Variants in ZNF486 observed in about 807,000 individuals in gnomAD.
ZNF486 encodes the protein zinc finger protein 486.
In ZNF486, 12 loss-of-function variants were observed where a neutral mutation model predicts 12.8. That is an observed-to-expected ratio of 0.94 (90% CI 0.60 to 1.52). ZNF486 has a LOEUF of 1.52. Among genes scored for constraint, ZNF486 ranks in the 40% most tolerant of loss-of-function variants. The probability of loss-of-function intolerance (pLI) is 0.00; values close to 1 mark genes in which losing one functional copy is unlikely to be tolerated. For synonymous variants in ZNF486, 231 were observed against 184.9 expected (o/e 1.25, Z -2.02); for missense variants, 738 against 545.0 (o/e 1.35, Z -3.53).
chr19:20,186,359 GATTGCACA>G (rs373813447), intron 3 of ZNF486, among the ~76,000 whole-genome samples: 35 of 152,276 alleles, frequency 2.3e-4, no homozygotes, highest in African/African-American at 7.9e-4. Context: ...GCATATAAGT[GATTGCACA>G]ATCTGGCTGC....
In ZNF486 at chr19:20,197,715, G is replaced by T. The variant is rs61745360; in HGVS notation, c.1005G>T (p.Ser335=). 1 of 1,610,030 alleles carries T rather than the reference G, an allele frequency of 6.2e-7. No individual in the cohort carries two copies. Among genetic ancestry groups the T allele is most frequent in the African/African-American group, 1.4e-5 (1 of 73,660 alleles). The stretch of plus-strand genomic sequence containing the variant: ...GTGGCAAAGCCTTTATTTCATCCTC[G>T]ATCCTTAGTAAACATGAGAAGATTC... The part of the protein sequence containing the change: ...DKCGKAFISS[S]ILSKHEKIHT... The change falls in exon 4 of 4, where the codon TCG becomes TCT. Residue 335 remains serine, a synonymous_variant. Coordinates refer to ENST00000335117, the MANE Select transcript of ZNF486 (RefSeq NM_052852.4).
At position 20,199,789 on chromosome 19, in the gene ZNF486, G is replaced by C. The variant is rs562775721; in HGVS notation, c.*1687G>C. ...TTGTAATTACATTAAAAGTATACTT[G>C]TTCCAGCTGCGTGTGGTGGCTCATG... On this transcript the variant is annotated 3_prime_UTR_variant, in exon 4 of 4. Coordinates refer to ENST00000335117, the MANE Select transcript of ZNF486 (RefSeq NM_052852.4). 2 of 151,076 alleles carry C rather than the reference G, an allele frequency of 1.3e-5. No homozygotes were observed. The highest frequency in any genetic ancestry group is 2.4e-5 in the African/African-American group (1 of 41,070). The allele number at this position is 151,076 out of a possible 1,614,324, so 9.4% of individuals were successfully genotyped here. A position where few individuals can be genotyped will look rare whatever the true frequency, so the allele number is the denominator to read the frequency against.
At chr19:20,187,598 T>C (rs1339997384) in intron 3 of ZNF486, among the ~76,000 whole-genome samples, 1 of 149,106 alleles carries the variant, frequency 6.7e-6, no homozygotes, top group East Asian at 2.0e-4. Flanking sequence ...ACCTCCCGGG[T>C]TCACGCCATT....
At chr19:20,178,836 T>G in intron 1 of ZNF486, among the ~76,000 whole-genome samples, 1 of 152,200 alleles carries the variant, frequency 6.6e-6, no homozygotes, top group East Asian at 1.9e-4. Flanking sequence ...CTCCTGTATC[T>G]TCAGACTTGA....
chr19:20,179,200 ATAAAT>A (rs1177621837), intron 1 of ZNF486, among the ~76,000 whole-genome samples: 22 of 152,226 alleles, frequency 1.4e-4, no homozygotes, highest in South Asian at 2.1e-4. Flanking sequence ...ACAAGTGACT[ATAAAT>A]TAAACTAATG....
At chr19:20,196,775 A>C (rs906008364) in intron 3 of ZNF486, among the ~76,000 whole-genome samples, 189 bp from the exon 4 acceptor site, 7 of 152,080 alleles carry the variant, frequency 4.6e-5, no homozygotes, top group Admixed American at 1.3e-4. Flanking sequence ...TCACTTATAA[A>C]TTTTTTACAA....
At position 20,198,901 on chromosome 19, in the gene ZNF486, C is replaced by CT. The variant is rs1555718522; in HGVS notation, c.*803dup. The CT allele has an allele frequency of 1.3e-5, 2 of 152,062 alleles. No individual in the cohort carries two copies. The highest frequency in any genetic ancestry group is 2.9e-5 in the Non-Finnish European group (2 of 68,024). The allele number at this position is 152,062 out of a possible 1,614,324, so 9.4% of individuals were successfully genotyped here. The stretch of plus-strand genomic sequence containing the variant: ...TACAAACCTGAAAGATGTGACAGTG[C>CT]TTTTCCCAACACCTCCAACTTTTCT... On this transcript the variant is annotated 3_prime_UTR_variant, in exon 4 of 4. Transcript: ENST00000335117.
rs189805403 is a variant in ZNF486, at chr19:20,178,702, T to C, written c.31-5654T>C. 2.7e-3 allele frequency among the ~76,000 whole-genome samples: 407 copies of C among 152,330 alleles called. 1 individual carries two copies. The highest frequency in any genetic ancestry group is 4.7e-3 in the Non-Finnish European group (320 of 68,020). On this transcript the variant is annotated intron_variant, in intron 1 of 3. Coordinates refer to ENST00000335117, the MANE Select transcript of ZNF486 (RefSeq NM_052852.4). ...AGCAAAGTGCATGCTGTCCCCTAAA[T>C]ATGCAGGCAGAATTGTGTCTCTATT...
rs150652075 is a variant in ZNF486, at chr19:20,179,710, G to A, written c.31-4646G>A. On this transcript the variant is annotated intron_variant, in intron 1 of 3. Transcript: ENST00000335117. ...ACAAAAGTCATTTTCTGCATTGTAA[G>A]TTGTCAAGATAGATATCTTACAGGC... is the stretch of plus-strand genomic sequence containing the variant. 2.2e-3 allele frequency among the ~76,000 whole-genome samples: 334 copies of A among 152,280 alleles called. 2 individuals are homozygous for A. The highest frequency in any genetic ancestry group is 7.5e-3 in the African/African-American group (310 of 41,564).
chr19:20,197,219 A>G lies in ZNF486; in HGVS notation c.509A>G (p.Lys170Arg). The change falls in exon 4 of 4, where the codon AAG (lysine) becomes AGG (arginine). Residue 170 changes from lysine (K) to arginine (R), a missense_variant. By Grantham distance (26) the Lys-to-Arg change is conservative (BLOSUM62 2). Transcript: ENST00000335117. The stretch of plus-strand genomic sequence containing the variant: ...GTCTTTCATCAATTTTCAAATTCAA[A>G]GAGACATAAAAGAAGACATACTGAA... Reference protein sequence around the residue: ...VKVFHQFSNSKRHKRRHTEKK... With the variant: ...VKVFHQFSNSRRHKRRHTEKK... 6.2e-7 allele frequency: 1 copy of G among 1,613,028 alleles called. No homozygotes were observed. Among genetic ancestry groups the G allele is most frequent in the South Asian group, 1.1e-5 (1 of 90,630 alleles).
At chr19:20,177,846 G>T (rs1218102903) in intron 1 of ZNF486, among the ~76,000 whole-genome samples, 1 of 151,904 alleles carries the variant, frequency 6.6e-6, no homozygotes, top group Non-Finnish European at 1.5e-5. Context: ...AAAGTGCTGG[G>T]ATTACAGGCA....
chr19:20,191,486 T>C (rs917516250), intron 3 of ZNF486, among the ~76,000 whole-genome samples: 45 of 142,746 alleles, frequency 3.2e-4, no homozygotes, highest in African/African-American at 1.1e-3. Context: ...AATTATGCAC[T>C]CGGCTGGGGG....
rs371796103 is a variant in ZNF486, at chr19:20,197,867, C to G, written c.1157C>G (p.Ala386Gly). Residue 386 changes from alanine to glycine, a missense_variant, in exon 4 of 4, where the codon GCC (alanine) becomes GGC (glycine). Ala to Gly is a moderately conservative substitution (Grantham distance 60). Transcript: ENST00000335117. ...KPYKCEECGK[A>G]FTWSAGLHKH... ...TACAAATGTGAAGAATGTGGCAAAG[C>G]CTTTACATGGTCTGCAGGCCTCCAT... is the stretch of plus-strand genomic sequence containing the variant. 10 of 1,613,264 alleles carry G rather than the reference C, an allele frequency of 6.2e-6. No individual in the cohort carries two copies. In the Admixed American group the frequency reaches 1.0e-4, roughly 16 times the overall value.
At chr19:20,189,566 T>C (rs1217990206) in intron 3 of ZNF486, among the ~76,000 whole-genome samples, 4 of 152,178 alleles carry the variant, frequency 2.6e-5, no homozygotes, top group African/African-American at 4.8e-5. Flanking sequence ...TGTCATTGTG[T>C]TTTTTTAATT....
chr19:20,167,736 C>A (rs1568313810), intron 1 of ZNF486, among the ~76,000 whole-genome samples: 1 of 152,094 alleles, frequency 6.6e-6, no homozygotes, highest in African/African-American at 2.4e-5. Flanking sequence ...CACAGTTTCT[C>A]TTTTCTTTTG....
chr19:20,171,649 C>T (rs1231230882), intron 1 of ZNF486, among the ~76,000 whole-genome samples: 2 of 152,232 alleles, frequency 1.3e-5, no homozygotes, highest in African/African-American at 2.4e-5. Context: ...CCACCTGGGC[C>T]ACTATCTGTA....
At chr19:20,173,817 G>A (rs1402737671) in intron 1 of ZNF486, among the ~76,000 whole-genome samples, 35 of 151,528 alleles carry the variant, frequency 2.3e-4, no homozygotes, top group African/African-American at 7.7e-4. Context: ...GGGGGACAGA[G>A]CGAGACTCCG....
chr19:20,169,471 G>A lies in ZNF486; in HGVS notation c.30+2111G>A, dbSNP rs115590343. Among the ~76,000 whole-genome samples, 362 of 152,254 alleles carry A rather than the reference G, an allele frequency of 2.4e-3. 4 individuals are homozygous for A. The highest frequency in any genetic ancestry group is 8.2e-3 in the African/African-American group (342 of 41,544). On this transcript the variant is annotated intron_variant, in intron 1 of 3. Coordinates refer to ENST00000335117, the MANE Select transcript of ZNF486 (RefSeq NM_052852.4). ...GGGAGCCTCGCCTGCAGATGTCCCA[G>A]CCTGCTCACCCCACCCATGGAAGGA...
In ZNF486 at chr19:20,167,254, ACT is replaced by A. The variant is rs782161965; in HGVS notation, c.-74_-73del. ...TGGAGCTCTAGGTCGCCTCTTCGCT[ACT>A]CTGTGTCCTCTGCTCCTAGAGGCCC... On this transcript the variant is annotated 5_prime_UTR_variant, in exon 1 of 4. Coordinates refer to ENST00000335117, the MANE Select transcript of ZNF486 (RefSeq NM_052852.4). The A allele has an allele frequency of 1.4e-5, 22 of 1,587,660 alleles. No homozygotes were observed. The African/African-American group carries it at 2.8e-4, about 20-fold the overall frequency.
Sources: gnomAD v4.1 joint callset for allele counts (sites outside exome capture counted in the v4.1 genomes callset) on GRCh38, gnomAD v4.1.1 for gene constraint, MANE v1.5 for transcripts, NCBI Gene and HGNC (gene_info 2026-07-23, HGNC 2026-07-21) for gene names.